The following TNFRSF11B variants were observed in gnomAD, a reference collection of about 807,000 sequenced individuals.
TNFRSF11B encodes TNF receptor superfamily member 11b.
TNFRSF11B carries 16 observed loss-of-function variants against 43.4 expected under a neutral mutation model. The observed-to-expected ratio is 0.37, with a 90% CI of 0.25 to 0.56. The LOEUF (loss-of-function observed/expected upper bound fraction) is 0.56, where lower values mean the gene tolerates loss of function less well. TNFRSF11B is among the 20% of genes least tolerant of loss of function. The pLI is 0.80. For synonymous variants in TNFRSF11B, 185 were observed against 181.8 expected (o/e 1.02, Z -0.14); for missense variants, 444 against 490.1 (o/e 0.91, Z 0.89).
Position 118,940,179 on chromosome 8 carries a change from G to A in TNFRSF11B, c.31-6879C>T, listed in dbSNP as rs191813516. On this transcript the variant is annotated intron_variant, in intron 1 of 4. Transcript: ENST00000297350. ...GGAACATCACACACCAGGGCCTGTC[G>A]TGGGGTGGGGGGAGCAGGGAGGGAT... Among the ~76,000 whole-genome samples, 316 of 152,266 alleles carry A rather than the reference G, an allele frequency of 2.1e-3. 1 individual carries two copies. Among genetic ancestry groups the A allele is most frequent in the African/African-American group, 7.0e-3 (290 of 41,554 alleles).
intron 1 of TNFRSF11B, among the ~76,000 whole-genome samples, chr8:118,938,208 T>C (rs962375511): frequency 1.3e-5 from 2 of 152,158 alleles, no homozygotes; most frequent in African/African-American, 4.8e-5. Flanking sequence ...TCTTGAACTC[T>C]GGGCTCAAGT....
At chr8:118,925,165 A>C (rs576760186) in intron 4 of TNFRSF11B, among the ~76,000 whole-genome samples, 1 of 152,234 alleles carries the variant, frequency 6.6e-6, no homozygotes, top group South Asian at 2.1e-4. Flanking sequence ...CTAGTTGATA[A>C]GTTAATTGCC....
chr8:118,930,688 A>C (rs1375672688), intron 2 of TNFRSF11B: 1 of 439,162 alleles, frequency 2.3e-6, no homozygotes, highest in South Asian at 1.6e-5. Flanking sequence ...TTGAGATTAC[A>C]GATGTGAGCC....
At chr8:118,936,229 A>G (rs1812403850) in intron 1 of TNFRSF11B, among the ~76,000 whole-genome samples, 1 of 152,232 alleles carries the variant, frequency 6.6e-6, no homozygotes, top group Admixed American at 6.5e-5. Flanking sequence ...ATTAGAGAGT[A>G]TGTTAATGAA....
intron 1 of TNFRSF11B, among the ~76,000 whole-genome samples, chr8:118,934,171 A>G (rs1336055682): frequency 6.6e-6 from 1 of 152,160 alleles, no homozygotes; most frequent in Non-Finnish European, 1.5e-5. Flanking sequence ...TGATATGCGA[A>G]GGTATATGAT....
At chr8:118,944,609 T>C (rs1812532153) in intron 1 of TNFRSF11B, among the ~76,000 whole-genome samples, 1 of 152,044 alleles carries the variant, frequency 6.6e-6, no homozygotes, top group African/African-American at 2.4e-5. Context: ...ATCTAGTTTT[T>C]TTTTCTTTTT....
chr8:118,943,992 C>A (rs1240541460), intron 1 of TNFRSF11B, among the ~76,000 whole-genome samples: 1 of 151,984 alleles, frequency 6.6e-6, no homozygotes, highest in East Asian at 1.9e-4. Flanking sequence ...ATGAATCCTT[C>A]TAACAATAGC....
At chr8:118,925,655 C>T (rs1263578047) in intron 4 of TNFRSF11B, among the ~76,000 whole-genome samples, 1 of 152,212 alleles carries the variant, frequency 6.6e-6, no homozygotes, top group East Asian at 1.9e-4. Context: ...ACTATACAGT[C>T]ATTTAACTAC....
chr8:118,928,620 A>T, intron 3 of TNFRSF11B, 118 bp downstream of exon 3: 1 of 1,159,426 alleles, frequency 8.6e-7, no homozygotes, highest in South Asian at 1.3e-5. Flanking sequence ...GCTGGTTAAG[A>T]TTCAAGAAAG....
intron 2 of TNFRSF11B, chr8:118,930,707 G>C (rs150306342): frequency 4.5e-6 from 2 of 445,404 alleles, no homozygotes; most frequent in Non-Finnish European, 4.5e-6. Flanking sequence ...CCACCGTGCC[G>C]GGCCTAAGAA....
At chr8:118,929,503 C>A (rs1812295609) in intron 2 of TNFRSF11B, among the ~76,000 whole-genome samples, 1 of 152,214 alleles carries the variant, frequency 6.6e-6, no homozygotes, top group Admixed American at 6.5e-5. Flanking sequence ...TGGCCGCTGA[C>A]TCAAAAGCGT....
chr8:118,935,611 A>T (rs963676242), intron 1 of TNFRSF11B, among the ~76,000 whole-genome samples: 1 of 152,208 alleles, frequency 6.6e-6, no homozygotes, highest in African/African-American at 2.4e-5. Flanking sequence ...TAGGAGAATT[A>T]TATATGATAC....
At chr8:118,941,199 A>C (rs1183448227) in intron 1 of TNFRSF11B, among the ~76,000 whole-genome samples, 2 of 152,166 alleles carry the variant, frequency 1.3e-5, no homozygotes, top group Non-Finnish European at 2.9e-5. Flanking sequence ...CTTAACTTCC[A>C]TTTTAAAGGT....
At chr8:118,947,723 TAGA>T (rs1221190891) in intron 1 of TNFRSF11B, among the ~76,000 whole-genome samples, 1 of 152,226 alleles carries the variant, frequency 6.6e-6, no homozygotes, top group Non-Finnish European at 1.5e-5. Context: ...ATAAATTTGA[TAGA>T]AGATTATTAA....
rs908027054 is a variant in TNFRSF11B at position 118,924,876 on chromosome 8, T to C, written c.818-114A>G. ...GCAGAATTTCATAATTATATTTCAA[T>C]GATAACCTTTTCTTTTGAGAGGGAG... On this transcript the variant is annotated intron_variant, in intron 4 of 4. Transcript: ENST00000297350. 4 of 1,317,866 alleles carry C rather than the reference T, an allele frequency of 3.0e-6. No individual in the cohort carries two copies. In the Admixed American group the frequency reaches 7.7e-5, roughly 25 times the overall value. 81.6% of individuals were successfully genotyped at this position (1,317,866 alleles called of 1,614,324 possible). A position where few individuals can be genotyped will look rare whatever the true frequency, so the allele number is the denominator to read the frequency against.
intron 1 of TNFRSF11B, among the ~76,000 whole-genome samples, chr8:118,944,638 T>C (rs780200044): frequency 1.5e-4 from 23 of 152,254 alleles, no homozygotes; most frequent in Middle Eastern, 3.4e-3. Flanking sequence ...TTTTACTGGA[T>C]ATTAAAAGAA....
At chr8:118,941,056 G>A (rs1169911439) in intron 1 of TNFRSF11B, among the ~76,000 whole-genome samples, 1 of 152,142 alleles carries the variant, frequency 6.6e-6, no homozygotes, top group Non-Finnish European at 1.5e-5. Context: ...GGATACATTT[G>A]CAAGGACAAG....
At chr8:118,925,943 T>C (rs1303631514) in intron 4 of TNFRSF11B, among the ~76,000 whole-genome samples, 1 of 152,264 alleles carries the variant, frequency 6.6e-6, no homozygotes, top group Non-Finnish European at 1.5e-5. Context: ...AACTAGCTTT[T>C]TCCTACAAGA....
chr8:118,929,078 C>G (rs941031530), intron 2 of TNFRSF11B, 149 bp from the exon 3 acceptor site: 1 of 727,548 alleles, frequency 1.4e-6, no homozygotes, highest in African/African-American at 1.8e-5. Flanking sequence ...TTTTTCACTT[C>G]ATTAGACAGA....
Sources: allele counts gnomAD v4.1 joint callset (sites outside exome capture counted in the v4.1 genomes callset), GRCh38; gene constraint gnomAD v4.1.1; transcripts MANE v1.5; gene names NCBI Gene and HGNC (gene_info 2026-07-23, HGNC 2026-07-21).